Variants in PNLIPRP1 observed in about 807,000 individuals in gnomAD.
PNLIPRP1 encodes the protein inactive pancreatic lipase-related protein 1.
In PNLIPRP1, 57 loss-of-function variants were observed where a neutral mutation model predicts 54.6. The ratio of observed to expected loss-of-function variants is 1.04; its 90% CI spans 0.84 to 1.30. The LOEUF (loss-of-function observed/expected upper bound fraction) is 1.30. PNLIPRP1 is among the 50% of genes most tolerant of loss of function. The pLI is 0.00. For missense variants in PNLIPRP1, 567 were observed against 568.5 expected, an observed-to-expected ratio of 1.00 and a Z score of 0.03; for synonymous variants, 232 against 208.8, an observed-to-expected ratio of 1.11 and a Z score of -0.96.
At chr10:116,592,383 C>A in intron 3 of PNLIPRP1, 33 bp from the exon 4 acceptor site, 8 of 1,559,682 alleles carry the variant, frequency 5.1e-6, no homozygotes, top group Non-Finnish European at 6.9e-6. Context: ...GGCTGGGCTG[C>A]GAAAACATGA....
intron 5 of PNLIPRP1, 77 bp from the exon 6 acceptor site, chr10:116,596,137 G>T: frequency 1.1e-6 from 1 of 946,408 alleles, no homozygotes; most frequent in Non-Finnish European, 1.7e-6. Context: ...TTCAGCAGAG[G>T]AGTAATATCC....
At position 116,609,166 on chromosome 10, in the gene PNLIPRP1, T is replaced by C. The variant is rs1554865989; in HGVS notation, c.*50T>C. On this transcript the variant is annotated 3_prime_UTR_variant, in exon 13 of 13. Coordinates refer to ENST00000358834, the MANE Select transcript of PNLIPRP1 (RefSeq NM_006229.4). ...CGTTCACACTAATAAAATCCACTGGTGCATCTGTATGCTCTGGGTCTATCT... is the reference window on the plus strand; with the variant it reads ...CGTTCACACTAATAAAATCCACTGGCGCATCTGTATGCTCTGGGTCTATCT... 2 of 1,306,382 alleles carry C rather than the reference T, an allele frequency of 1.5e-6. No homozygotes were observed. The highest frequency in any genetic ancestry group is 2.2e-6 in the Non-Finnish European group (2 of 928,166). The allele number at this position is 1,306,382 out of a possible 1,614,324, so 80.9% of individuals were successfully genotyped here. A position where few individuals can be genotyped will look rare whatever the true frequency, so the allele number is the denominator to read the frequency against.
rs782485871 is a variant in PNLIPRP1 at position 116,591,887 on chromosome 10, T to C, written c.166T>C (p.Phe56Leu). Residue 56 changes from phenylalanine (F) to leucine (L), a missense_variant, in exon 3 of 13, where the codon TTC becomes CTC. Coordinates refer to ENST00000358834, the MANE Select transcript of PNLIPRP1 (RefSeq NM_006229.4). Reference sequence around the variant, plus strand: ...GAGCCCTGAGAAGATCGGCACCCGCTTCCTGCTGTACACCAATGAAAACCC... The same window carrying C: ...GAGCCCTGAGAAGATCGGCACCCGCCTCCTGCTGTACACCAATGAAAACCC... ...PWSPEKIGTR[F>L]LLYTNENPNN... is the part of the protein sequence containing the mutation. 3 of 1,614,066 alleles carry C rather than the reference T, an allele frequency of 1.9e-6. No individual in the cohort carries two copies. In the South Asian group the frequency reaches 3.3e-5, roughly 18 times the overall value.
At chr10:116,604,525 C>A (rs60134363) in intron 11 of PNLIPRP1, among the ~76,000 whole-genome samples, 1 of 152,032 alleles carries the variant, frequency 6.6e-6, no homozygotes, top group African/African-American at 2.4e-5. Context: ...GATGTCCACA[C>A]AATGATTAAA....
In PNLIPRP1 at chr10:116,592,485, A is replaced by G. The variant is rs782350779; in HGVS notation, c.274A>G (p.Ile92Val). The G allele has an allele frequency of 1.9e-6, 3 of 1,614,148 alleles. No individual in the cohort carries two copies. Among genetic ancestry groups the G allele is most frequent in the Non-Finnish European group, 2.5e-6 (3 of 1,179,970 alleles). ...NFQMDRKTRF[I>V]IHGFIDKGDE... ...TCAAATGGACAGAAAGACCCGGTTCATCATCCATGGCTTCATAGACAAAGG... is the reference window on the plus strand; with the variant it reads ...TCAAATGGACAGAAAGACCCGGTTCGTCATCCATGGCTTCATAGACAAAGG... The change falls in exon 4 of 13, where the codon ATC becomes GTC. Residue 92 changes from isoleucine to valine, a missense_variant. Coordinates refer to ENST00000358834, the MANE Select transcript of PNLIPRP1 (RefSeq NM_006229.4).
intron 12 of PNLIPRP1, among the ~76,000 whole-genome samples, chr10:116,606,296 C>A (rs1847936540): frequency 6.6e-6 from 1 of 152,060 alleles, no homozygotes; most frequent in Non-Finnish European, 1.5e-5. Context: ...AGAATGGGGG[C>A]TGACTCCACA....
At chr10:116,595,523 C>T (rs1424869962) in intron 5 of PNLIPRP1, 1 of 152,856 alleles carries the variant, frequency 6.5e-6, no homozygotes, top group Non-Finnish European at 1.5e-5. Context: ...TGCACTCCTG[C>T]AGAAATCAAA....
chr10:116,601,565 T>C (rs563318256), intron 10 of PNLIPRP1, among the ~76,000 whole-genome samples: 9 of 152,204 alleles, frequency 5.9e-5, no homozygotes, highest in Non-Finnish European at 1.2e-4. Flanking sequence ...AAAGACGTAA[T>C]TGGTACCAGC....
Position 116,591,942 on chromosome 10 carries a change from T to A in PNLIPRP1, c.204+17T>A. On this transcript the variant is annotated intron_variant, in intron 3 of 12. Coordinates refer to ENST00000358834, the MANE Select transcript of PNLIPRP1 (RefSeq NM_006229.4). ...AACTTTCAAGTGAGACCTCTGTCAT[T>A]TAAATGTCACTGTAACTGGCACGGG... 6.2e-7 allele frequency: 1 copy of A among 1,613,882 alleles called. No individual in the cohort carries two copies.
In PNLIPRP1 at chr10:116,601,144, A is replaced by T. The variant is rs1238064910; in HGVS notation, c.1006A>T (p.Thr336Ser). Residue 336 changes from threonine to serine, a missense_variant, in exon 10 of 13, where the codon ACA becomes TCA. Physicochemically the swap from Thr to Ser is moderately conservative, Grantham distance 58. Transcript: ENST00000358834. ...CTATGCTGATAAATTTGCTGGCAGGACAAGTGAAGAGCAGCAGAAATTCTT... is the reference window on the plus strand; with the variant it reads ...CTATGCTGATAAATTTGCTGGCAGGTCAAGTGAAGAGCAGCAGAAATTCTT... The part of the protein sequence containing the change: ...GHYADKFAGR[T>S]SEEQQKFFLN... 3 of 1,613,984 alleles carry T rather than the reference A, an allele frequency of 1.9e-6. No homozygotes were observed. Among genetic ancestry groups the T allele is most frequent in the Admixed American group, 3.3e-5 (2 of 59,992 alleles).
Position 116,605,393 on chromosome 10 carries a change from C to A in PNLIPRP1, c.1180C>A (p.Leu394Ile). Residue 394 changes from leucine to isoleucine, a missense_variant, in exon 12 of 13, where the codon CTC becomes ATC. By Grantham distance (5) the Leu-to-Ile change is conservative. Coordinates refer to ENST00000358834, the MANE Select transcript of PNLIPRP1 (RefSeq NM_006229.4). ...THQYSIFRGILKPGSTHSYEF... is the reference protein window; with the variant it reads ...THQYSIFRGIIKPGSTHSYEF... ...ATGTTTCTCTATTTCAAGGGGGATTCTCAAACCAGGCTCAACCCATTCCTA... is the reference window on the plus strand; with the variant it reads ...ATGTTTCTCTATTTCAAGGGGGATTATCAAACCAGGCTCAACCCATTCCTA... 6.3e-7 allele frequency: 1 copy of A among 1,575,518 alleles called. No homozygotes were observed. Among genetic ancestry groups the A allele is most frequent in the Admixed American group, 1.7e-5 (1 of 58,934 alleles).
intron 1 of PNLIPRP1, 38 bp downstream of exon 1, chr10:116,591,033 C>T (rs544443442): frequency 1.6e-4 from 139 of 874,522 alleles, no homozygotes; most frequent in Admixed American, 6.2e-4. Flanking sequence ...CCTGCTGTGA[C>T]GTACAGGTGA....
intron 2 of PNLIPRP1, 63 bp from the exon 3 acceptor site, chr10:116,591,708 C>A: frequency 6.5e-7 from 1 of 1,543,464 alleles, no homozygotes; most frequent in Non-Finnish European, 8.9e-7. Context: ...GCCCGAACAG[C>A]AGTGACACCC....
intron 10 of PNLIPRP1, among the ~76,000 whole-genome samples, chr10:116,601,694 G>A (rs79629313): frequency 0.013 from 1,928 of 152,276 alleles, 16 homozygotes; most frequent in Non-Finnish European, 0.016. Flanking sequence ...GAATCAGGGG[G>A]AAGGATGATT....
Sources: allele counts gnomAD v4.1 joint callset (sites outside exome capture counted in the v4.1 genomes callset), GRCh38; gene constraint gnomAD v4.1.1; transcripts MANE v1.5; gene names NCBI Gene and HGNC (gene_info 2026-07-23, HGNC 2026-07-21).